The following STON2 variants were observed in gnomAD, a reference collection of about 807,000 sequenced individuals.
STON2 encodes the protein stonin-2.
Under a neutral mutation model 65.7 loss-of-function variants are expected in STON2, and 29 were observed. The observed-to-expected ratio is 0.44, with a 90% CI of 0.33 to 0.60. The LOEUF (loss-of-function observed/expected upper bound fraction) is 0.60, where lower values mean the gene tolerates loss of function less well. Ranked by LOEUF, STON2 falls within the 20% of genes least tolerant of loss-of-function variation. The probability of loss-of-function intolerance (pLI) is 0.03; values close to 1 mark genes in which losing one functional copy is unlikely to be tolerated. For missense variants in STON2, 1,054 were observed against 1,118.1 expected (o/e 0.94, Z 0.82); for synonymous variants, 404 against 414.2 (o/e 0.98, Z 0.30).
intron 2 of STON2, among the ~76,000 whole-genome samples, chr14:81,422,861 G>A (rs1159136506): frequency 1.3e-5 from 2 of 151,882 alleles, no homozygotes; most frequent in African/African-American, 2.4e-5. Context: ...GTGAAACCCC[G>A]TCTCTACTAA....
chr14:81,377,491 T>C (rs1489861510), intron 3 of STON2, among the ~76,000 whole-genome samples: 1 of 152,234 alleles, frequency 6.6e-6, no homozygotes, highest in Non-Finnish European at 1.5e-5. Flanking sequence ...TACAGGTTTT[T>C]GTATGAACGT....
At chr14:81,283,848 C>T (rs1895229481) in intron 5 of STON2, among the ~76,000 whole-genome samples, 1 of 152,084 alleles carries the variant, frequency 6.6e-6, no homozygotes, top group African/African-American at 2.4e-5. Flanking sequence ...TTTTTTATGA[C>T]TAGAAGATCT....
chr14:81,277,532 G>GTGC lies in STON2; in HGVS notation c.1947_1949dup (p.Gln649dup), dbSNP rs987539348. On this transcript the variant is annotated inframe_insertion, in exon 6 of 8. Coordinates refer to ENST00000614646, the MANE Select transcript of STON2 (RefSeq NM_001394390.1). ...GGATGTGGATCCGTGTCAAGACATG[G>GTGC]TGCTGGAGAATCTGGTTGTCTCCTT... The GTGC allele has an allele frequency of 6.2e-7, 1 of 1,614,060 alleles. No individual in the cohort carries two copies. The highest frequency in any genetic ancestry group is 1.3e-5 in the African/African-American group (1 of 74,926).
At chr14:81,376,993 T>C (rs1049092138) in intron 3 of STON2, among the ~76,000 whole-genome samples, 6 of 152,192 alleles carry the variant, frequency 3.9e-5, no homozygotes, top group African/African-American at 1.4e-4. Context: ...CTTATTCATA[T>C]TTCCCCAGTT....
At chr14:81,416,888 C>A (rs980919413) in intron 2 of STON2, among the ~76,000 whole-genome samples, 1 of 152,134 alleles carries the variant, frequency 6.6e-6, no homozygotes, top group Non-Finnish European at 1.5e-5. Flanking sequence ...CTCTCTATAC[C>A]AAGAATAACA....
intron 4 of STON2, among the ~76,000 whole-genome samples, chr14:81,338,106 T>C (rs546225963): frequency 6.6e-6 from 1 of 152,214 alleles, no homozygotes; most frequent in Non-Finnish European, 1.5e-5. Flanking sequence ...CACAGACATC[T>C]TAAGTCCCTT....
rs1220515601 is a variant in STON2, at chr14:81,371,016, A to G, written c.543T>C (p.Ser181=). 3.7e-6 allele frequency: 6 copies of G among 1,612,862 alleles called. No homozygotes were observed. The highest frequency in any genetic ancestry group is 4.2e-6 in the Non-Finnish European group (5 of 1,179,980). The part of the protein sequence containing the change: ...LQLINAEEQT[S]GQASGADSTD... Reference sequence around the variant, plus strand: ...TTGAGTCAGCCCCAGAAGCCTGGCCACTCGTCTGCTCCTCAGCATTGATGA... The same window carrying G: ...TTGAGTCAGCCCCAGAAGCCTGGCCGCTCGTCTGCTCCTCAGCATTGATGA... The change falls in exon 4 of 8, where the codon AGT becomes AGC. Residue 181 remains serine (S), a synonymous_variant. Coordinates refer to ENST00000614646, the MANE Select transcript of STON2 (RefSeq NM_001394390.1).
chr14:81,317,835 T>C (rs569251944), intron 5 of STON2, among the ~76,000 whole-genome samples: 2 of 152,204 alleles, frequency 1.3e-5, no homozygotes, highest in Admixed American at 6.5e-5. Context: ...TAACCCATAA[T>C]CTTTACATTT....
intron 5 of STON2, among the ~76,000 whole-genome samples, chr14:81,287,306 G>A (rs989138507): frequency 3.3e-5 from 5 of 152,184 alleles, no homozygotes; most frequent in Non-Finnish European, 5.9e-5. Context: ...TAAAGAGGAC[G>A]CCAGAGGATA....
intron 2 of STON2, among the ~76,000 whole-genome samples, chr14:81,410,051 T>C (rs995876358): frequency 5.9e-5 from 9 of 151,950 alleles, no homozygotes; most frequent in Non-Finnish European, 8.8e-5. Flanking sequence ...CTGATCCTTC[T>C]TATTTTCTCT....
chr14:81,324,154 G>A lies in STON2; in HGVS notation c.605C>T (p.Thr202Met), dbSNP rs1566909025. Residue 202 changes from threonine to methionine, a missense_variant, in exon 5 of 8, where the codon ACG (threonine) becomes ATG (methionine). Physicochemically the swap from Thr to Met is moderately conservative, Grantham distance 81. Transcript: ENST00000614646. ...KRTEWQTGRQ[T>M]AVSPVQACSE... is the part of the protein sequence containing the mutation. ...GCATGCTTGAACAGGACTCACTGCC[G>A]TCTGCCTGCCTGTCTGCCACTCCGT... Among the ~76,000 whole-genome samples the A allele has an allele frequency of 1.3e-5, 2 of 152,130 alleles. No individual in the cohort carries two copies. The highest frequency in any genetic ancestry group is 2.4e-5 in the African/African-American group (1 of 41,436).
At chr14:81,359,956 T>C (rs561913167) in intron 4 of STON2, among the ~76,000 whole-genome samples, 2 of 152,278 alleles carry the variant, frequency 1.3e-5, no homozygotes, top group East Asian at 1.9e-4. Context: ...CCAGGTGTGG[T>C]TGTACACACC....
intron 5 of STON2, among the ~76,000 whole-genome samples, chr14:81,321,388 AAG>A (rs1555399413): frequency 1.3e-5 from 2 of 151,808 alleles, no homozygotes; most frequent in African/African-American, 4.8e-5. Context: ...AAAAAAAAAA[AAG>A]AATTCCAGAA....
At chr14:81,394,187 T>C (rs1178811626) in intron 3 of STON2, among the ~76,000 whole-genome samples, 2 of 150,226 alleles carry the variant, frequency 1.3e-5, no homozygotes, top group African/African-American at 4.9e-5. Flanking sequence ...CAAGACTCCA[T>C]CTCAAACAAA....
chr14:81,423,533 C>G (rs574644468), intron 2 of STON2, among the ~76,000 whole-genome samples: 1 of 152,310 alleles, frequency 6.6e-6, no homozygotes, highest in East Asian at 1.9e-4. Flanking sequence ...AAGCCAGGCA[C>G]TGTGGCTTCT....
intron 4 of STON2, among the ~76,000 whole-genome samples, chr14:81,325,444 C>CT (rs1466770421): frequency 6.7e-5 from 5 of 74,558 alleles, no homozygotes; most frequent in African/African-American, 5.6e-4. Flanking sequence ...TTTTCTCCTC[C>CT]TCTTTTTTTT....
chr14:81,308,639 G>A (rs961053156), intron 5 of STON2, among the ~76,000 whole-genome samples: 6 of 151,588 alleles, frequency 4.0e-5, no homozygotes, highest in African/African-American at 1.2e-4. Context: ...ACAACTCTAC[G>A]TCCATCCCTA....
intron 4 of STON2, among the ~76,000 whole-genome samples, chr14:81,353,315 T>C (rs550618364): frequency 6.6e-5 from 10 of 152,254 alleles, no homozygotes; most frequent in African/African-American, 2.2e-4. Context: ...GCCTAGGTAA[T>C]TGGAGAAAAG....
intron 4 of STON2, among the ~76,000 whole-genome samples, chr14:81,368,670 C>T (rs565205880): frequency 6.6e-6 from 1 of 152,246 alleles, no homozygotes; most frequent in East Asian, 1.9e-4. Flanking sequence ...GCCGAGATTG[C>T]ACCATCGCAC....
Sources: allele counts gnomAD v4.1 joint callset (sites outside exome capture counted in the v4.1 genomes callset), GRCh38; gene constraint gnomAD v4.1.1; transcripts MANE v1.5; gene names NCBI Gene and HGNC (gene_info 2026-07-23, HGNC 2026-07-21).